The following CUL5 variants were observed in gnomAD, a reference collection of about 807,000 sequenced individuals.
The protein encoded by CUL5 is cullin-5.
Under a neutral mutation model 108.8 loss-of-function variants are expected in CUL5, and 26 were observed. That is an observed-to-expected ratio of 0.24 (90% CI 0.18 to 0.33). CUL5 has a LOEUF of 0.33. Among genes scored for constraint, CUL5 ranks in the 10% least tolerant of loss-of-function variants. CUL5 has a pLI of 1.00. For synonymous variants in CUL5, 334 were observed against 298.0 expected (o/e 1.12, Z -1.25); for missense variants, 524 against 909.2 (o/e 0.58, Z 5.45).
chr11:108,069,823 T>C (rs1321534008), intron 7 of CUL5, among the ~76,000 whole-genome samples: 1 of 152,178 alleles, frequency 6.6e-6, no homozygotes, highest in Non-Finnish European at 1.5e-5. Flanking sequence ...TAATCAAAGT[T>C]TGGTTTTGTA....
At chr11:108,083,063 C>T (rs1248266587) in intron 11 of CUL5, among the ~76,000 whole-genome samples, 1 of 152,154 alleles carries the variant, frequency 6.6e-6, no homozygotes, top group African/African-American at 2.4e-5. Flanking sequence ...AATACTTTTA[C>T]TTCTTCCTTT....
At chr11:108,083,899 G>A (rs1864160417) in intron 11 of CUL5, among the ~76,000 whole-genome samples, 2 of 152,310 alleles carry the variant, frequency 1.3e-5, no homozygotes, top group South Asian at 4.1e-4. Flanking sequence ...GTCCAACCCT[G>A]CGGGCTGCAT....
chr11:108,034,602 C>A (rs1862682369), intron 2 of CUL5, among the ~76,000 whole-genome samples: 1 of 152,074 alleles, frequency 6.6e-6, no homozygotes, highest in African/African-American at 2.4e-5. Context: ...GGACTCATGG[C>A]AGCTTGGAAA....
chr11:108,034,060 A>G, intron 2 of CUL5, 149 bp downstream of exon 2: 1 of 588,438 alleles, frequency 1.7e-6, no homozygotes, highest in South Asian at 2.2e-5. Context: ...GACCTCTCCC[A>G]GGTATGATGA....
At chr11:108,094,213 A>C (rs572345610) in intron 13 of CUL5, among the ~76,000 whole-genome samples, 178 bp from the exon 14 acceptor site, 1 of 152,344 alleles carries the variant, frequency 6.6e-6, no homozygotes, top group African/African-American at 2.4e-5. Context: ...GACCCCTTGT[A>C]ATACCGTATT....
At chr11:108,012,411 T>C (rs986036379) in intron 1 of CUL5, among the ~76,000 whole-genome samples, 2 of 152,044 alleles carry the variant, frequency 1.3e-5, no homozygotes, top group African/African-American at 4.8e-5. Context: ...ACATTTTTCT[T>C]GTTTCTCCTA....
At chr11:108,060,724 C>T (rs1863511486) in intron 7 of CUL5, among the ~76,000 whole-genome samples, 1 of 152,000 alleles carries the variant, frequency 6.6e-6, no homozygotes, top group African/African-American at 2.4e-5. Flanking sequence ...GTAATCTCAG[C>T]TACTCGGGAG....
chr11:108,049,825 G>T, intron 3 of CUL5, 65 bp from the exon 4 acceptor site: 1 of 1,286,222 alleles, frequency 7.8e-7, no homozygotes, highest in Non-Finnish European at 1.1e-6. Context: ...ATTTTGGCAT[G>T]AATATGTTCT....
intron 13 of CUL5, 109 bp downstream of exon 13, chr11:108,089,732 AT>A: frequency 3.1e-6 from 2 of 639,478 alleles, no homozygotes; most frequent in South Asian, 3.1e-5. Context: ...AGTAGGAAAC[AT>A]TTTATAAGAA....
intron 11 of CUL5, among the ~76,000 whole-genome samples, chr11:108,082,037 A>G (rs1012584456): frequency 8.5e-5 from 13 of 152,152 alleles, no homozygotes; most frequent in Non-Finnish European, 1.3e-4. Flanking sequence ...ATTGAATTGT[A>G]TTAATGTTAT....
intron 7 of CUL5, among the ~76,000 whole-genome samples, chr11:108,055,854 C>T (rs570135268): frequency 3.3e-5 from 5 of 152,146 alleles, no homozygotes; most frequent in South Asian, 2.1e-4. Flanking sequence ...TGATCTTGAA[C>T]GCCTAAGCTC....
intron 7 of CUL5, among the ~76,000 whole-genome samples, chr11:108,062,339 A>G (rs922112473): frequency 6.6e-6 from 1 of 152,118 alleles, no homozygotes; most frequent in Non-Finnish European, 1.5e-5. Context: ...ACAAATTGCT[A>G]CACAATAAAT....
At chr11:108,052,561 C>T (rs988835910) in intron 4 of CUL5, 99 bp from the exon 5 acceptor site, 140 of 1,135,734 alleles carry the variant, frequency 1.2e-4, no homozygotes, top group Non-Finnish European at 1.7e-4. Context: ...TGCACCTGGC[C>T]CAGGCCTACA....
chr11:108,049,067 TG>T (rs1400329441), intron 3 of CUL5, among the ~76,000 whole-genome samples: 1 of 152,162 alleles, frequency 6.6e-6, no homozygotes, highest in Non-Finnish European at 1.5e-5. Context: ...TTCATAAAAT[TG>T]TGCAACCATC....
intron 1 of CUL5, among the ~76,000 whole-genome samples, chr11:108,024,426 AAATAAT>A (rs201325114): frequency 7.9e-5 from 12 of 152,128 alleles, no homozygotes; most frequent in South Asian, 2.1e-4. Context: ...TTGTCTCAAA[AAATAAT>A]AATAATAATA....
intron 1 of CUL5, among the ~76,000 whole-genome samples, chr11:108,026,187 G>A (rs1862447733): frequency 6.6e-6 from 1 of 152,026 alleles, no homozygotes; most frequent in African/African-American, 2.4e-5. Context: ...TGGGAAAAGT[G>A]TACAACCCTG....
chr11:108,089,581 T>C lies in CUL5; in HGVS notation c.1401T>C (p.Ser467=), dbSNP rs754425457. Residue 467 remains serine, a synonymous_variant, in exon 13 of 19, where the codon TCT becomes TCC. Coordinates refer to ENST00000393094, the MANE Select transcript of CUL5 (RefSeq NM_003478.6). ...CACGACGTCTTATATTAGACATCTC[T>C]GCCGATAGTGAAATTGAAGAAAACA... ...HLTRRLILDI[S]ADSEIEENMV... 6.4e-7 allele frequency: 1 copy of C among 1,554,964 alleles called. No homozygotes were observed. The highest frequency in any genetic ancestry group is 1.2e-5 in the South Asian group (1 of 80,018).
intron 1 of CUL5, among the ~76,000 whole-genome samples, chr11:108,025,492 T>A (rs1209166790): frequency 2.0e-5 from 3 of 152,162 alleles, no homozygotes; most frequent in Non-Finnish European, 4.4e-5. Context: ...TTCGTTAGAG[T>A]GTGTCCAGAA....
chr11:108,070,490 CAT>C (rs1863795242), intron 8 of CUL5, among the ~76,000 whole-genome samples: 1 of 152,198 alleles, frequency 6.6e-6, no homozygotes, highest in South Asian at 2.1e-4. Context: ...AAACTGGAAA[CAT>C]ATGTTATAGA....
Sources: allele counts gnomAD v4.1 joint callset (sites outside exome capture counted in the v4.1 genomes callset), GRCh38; gene constraint gnomAD v4.1.1; transcripts MANE v1.5; gene names NCBI Gene and HGNC (gene_info 2026-07-23, HGNC 2026-07-21).